TCERG1L: variants seen among roughly 807,000 people sequenced by gnomAD.
The protein encoded by TCERG1L is transcription elongation regulator 1 like, also known as transcription elongation regulator 1-like protein.
In TCERG1L, 37 loss-of-function variants were observed where a neutral mutation model predicts 56.3. That is an observed-to-expected ratio of 0.66 (90% CI 0.51 to 0.87). The LOEUF is 0.87. Among genes scored for constraint, TCERG1L ranks in the 40% least tolerant of loss-of-function variants. TCERG1L has a pLI of 0.00. For missense variants in TCERG1L, 799 were observed against 774.2 expected, an observed-to-expected ratio of 1.03 and a Z score of -0.38; for synonymous variants, 324 against 326.3, an observed-to-expected ratio of 0.99 and a Z score of 0.08.
At chr10:131,274,123 C>G (rs1846369466) in intron 3 of TCERG1L, among the ~76,000 whole-genome samples, 1 of 152,184 alleles carries the variant, frequency 6.6e-6, no homozygotes, top group Non-Finnish European at 1.5e-5. Flanking sequence ...TCCTGCTCTG[C>G]TGTCTTGCAC....
Position 131,166,850 on chromosome 10 carries a change from G to A in TCERG1L, c.892C>T (p.Pro298Ser). 3 of 1,613,614 alleles carry A rather than the reference G, an allele frequency of 1.9e-6. No homozygotes were observed. Among genetic ancestry groups the A allele is most frequent in the Non-Finnish European group, 2.5e-6 (3 of 1,179,890 alleles). The part of the protein sequence containing the change: ...RTERGRVARP[P>S]ALMLRAQKSR... ...TTCTGGGCCCGCAGCATCAGGGCAG[G>A]AGGGCGGGCCACTCGGCCCCGCTCT... Residue 298 changes from proline (P) to serine (S), a missense_variant, in exon 5 of 12, where the codon CCT becomes TCT. Pro to Ser is a moderately conservative substitution (Grantham distance 74). Transcript: ENST00000368642.
At position 131,104,305 on chromosome 10, in the gene TCERG1L, T is replaced by C. The variant is rs763029060; in HGVS notation, c.1445A>G (p.Asp482Gly). Residue 482 changes from aspartate to glycine, a missense_variant, in exon 10 of 12, where the codon GAC becomes GGC. Asp to Gly is a moderately conservative substitution (Grantham distance 94, BLOSUM62 -1). Coordinates refer to ENST00000368642, the MANE Select transcript of TCERG1L (RefSeq NM_174937.4). ...WEKELHKIVF[D>G]PRYLLLNSEE... is the part of the protein sequence containing the mutation. Reference sequence around the variant, plus strand: ...AGAGTTGAGCAGGAGATAGCGTGGGTCAAACACGATTTTGTGTAATTCTTT... The same window carrying C: ...AGAGTTGAGCAGGAGATAGCGTGGGCCAAACACGATTTTGTGTAATTCTTT... 2 of 1,551,194 alleles carry C rather than the reference T, an allele frequency of 1.3e-6. No homozygotes were observed. The highest frequency in any genetic ancestry group is 1.7e-6 in the Non-Finnish European group (2 of 1,146,510).
chr10:131,266,594 G>A (rs1846288804), intron 3 of TCERG1L, among the ~76,000 whole-genome samples: 1 of 152,170 alleles, frequency 6.6e-6, no homozygotes, highest in Non-Finnish European at 1.5e-5. Flanking sequence ...AGACAAAGAG[G>A]AGCTTTATTA....
chr10:131,284,261 T>A (rs1377997151), intron 3 of TCERG1L, among the ~76,000 whole-genome samples: 1 of 152,108 alleles, frequency 6.6e-6, no homozygotes, highest in Non-Finnish European at 1.5e-5. Flanking sequence ...AAGAAAATTT[T>A]AAATCTGCAT....
chr10:131,185,764 G>A (rs1278988183), intron 4 of TCERG1L, among the ~76,000 whole-genome samples: 2 of 152,068 alleles, frequency 1.3e-5, no homozygotes, highest in African/African-American at 4.8e-5. Flanking sequence ...CAGTGAAAAT[G>A]ATGGCTGAAT....
At chr10:131,292,999 C>T (rs1424921757) in intron 3 of TCERG1L, among the ~76,000 whole-genome samples, 2 of 151,902 alleles carry the variant, frequency 1.3e-5, no homozygotes, top group African/African-American at 2.4e-5. Flanking sequence ...TACAGGTACA[C>T]GCCACCGCAC....
At chr10:131,109,319 C>G (rs2133385066) in intron 9 of TCERG1L, among the ~76,000 whole-genome samples, 1 of 152,346 alleles carries the variant, frequency 6.6e-6, no homozygotes, top group East Asian at 1.9e-4. Flanking sequence ...TCACATCACG[C>G]CCTGACGAAC....
chr10:131,195,246 C>T (rs114813462), intron 4 of TCERG1L, among the ~76,000 whole-genome samples: 4 of 152,190 alleles, frequency 2.6e-5, no homozygotes, highest in Non-Finnish European at 4.4e-5. Flanking sequence ...AGCCTGATCA[C>T]AGCTTTTATC....
At chr10:131,143,314 C>A (rs1400371679) in intron 7 of TCERG1L, among the ~76,000 whole-genome samples, 1 of 152,158 alleles carries the variant, frequency 6.6e-6, no homozygotes, top group Non-Finnish European at 1.5e-5. Context: ...CCTCTCTTCA[C>A]TTCTTACCCC....
chr10:131,205,269 G>GGC (rs917786860), intron 4 of TCERG1L, among the ~76,000 whole-genome samples: 20 of 152,008 alleles, frequency 1.3e-4, no homozygotes, highest in African/African-American at 4.8e-4. Context: ...CTCATTGTGA[G>GGC]GCACAAATCA....
intron 4 of TCERG1L, among the ~76,000 whole-genome samples, chr10:131,215,072 C>G (rs1845656096): frequency 6.6e-6 from 1 of 152,146 alleles, no homozygotes. Flanking sequence ...AGGCCAGATC[C>G]CACGCTTGTA....
Position 131,134,434 on chromosome 10 carries a change from C to T in TCERG1L, c.1204G>A (p.Gly402Arg). 6.3e-7 allele frequency: 1 copy of T among 1,594,450 alleles called. No homozygotes were observed. The highest frequency in any genetic ancestry group is 1.7e-4 in the Middle Eastern group (1 of 6,044). Residue 402 changes from glycine (G) to arginine (R), a missense_variant, in exon 8 of 12, where the codon GGG (glycine) becomes AGG (arginine). Coordinates refer to ENST00000368642, the MANE Select transcript of TCERG1L (RefSeq NM_174937.4). ...LEAPATDNSDGSSSEDNREDQ... is the reference protein window; with the variant it reads ...LEAPATDNSDRSSSEDNREDQ... ...TCCCTGTTGTCTTCAGAACTGGACC[C>T]ATCGCTGTTGTCAGCTGAAAGAAAA...
chr10:131,223,703 C>G (rs1010204405), intron 4 of TCERG1L, among the ~76,000 whole-genome samples: 5 of 151,128 alleles, frequency 3.3e-5, no homozygotes, highest in African/African-American at 1.2e-4. Context: ...CAGACACACA[C>G]ACATGCTCAC....
chr10:131,177,836 G>C (rs1845124131), intron 4 of TCERG1L, among the ~76,000 whole-genome samples: 1 of 151,122 alleles, frequency 6.6e-6, no homozygotes, highest in South Asian at 2.1e-4. Context: ...CCTGACCTCT[G>C]ACTGTTCTAG....
Position 131,116,932 on chromosome 10 carries a change from G to A in TCERG1L, c.1262C>T (p.Thr421Ile), listed in dbSNP as rs1306992599. ...DQDVKTKRNR[T>I]EGCGSPKPEE... The stretch of plus-strand genomic sequence containing the variant: ...TGGCTTGGGACTCCCGCAGCCTTCG[G>A]TCCTTCAGGAACACAAGACGCAGAG... Residue 421 changes from threonine (T) to isoleucine (I), a missense_variant and splice_region_variant, in exon 9 of 12, where the codon ACC becomes ATC. Physicochemically the swap from Thr to Ile is moderately conservative, Grantham distance 89. Transcript: ENST00000368642. 4 of 1,608,376 alleles carry A rather than the reference G, an allele frequency of 2.5e-6. No homozygotes were observed. Among genetic ancestry groups the A allele is most frequent in the Non-Finnish European group, 3.4e-6 (4 of 1,177,854 alleles).
rs151157565 is a variant in TCERG1L at position 131,262,529 on chromosome 10, T to C, written c.671-2085A>G. Among the ~76,000 whole-genome samples, 371 of 152,332 alleles carry C rather than the reference T, an allele frequency of 2.4e-3. 1 individual carries two copies. The highest frequency in any genetic ancestry group is 3.1e-3 in the South Asian group (15 of 4,830). On this transcript the variant is annotated intron_variant, in intron 3 of 11. Coordinates refer to ENST00000368642, the MANE Select transcript of TCERG1L (RefSeq NM_174937.4). ...ATTTGTTATAGAGCAGCTTTAGGTT[T>C]ACAGAAAAAATGGGTAGAAAGTAGA...
rs1845365726 is a variant in TCERG1L at position 131,107,610 on chromosome 10, GTA to G, written c.1396-3258_1396-3257del. 2.0e-5 allele frequency among the ~76,000 whole-genome samples: 3 copies of G among 152,228 alleles called. No individual in the cohort carries two copies. In the South Asian group the frequency reaches 6.2e-4, roughly 32 times the overall value. On this transcript the variant is annotated intron_variant, in intron 9 of 11. Transcript: ENST00000368642. ...GACTTCTCCCAAAGGGTCCTGACAGGTATGGGGACGAGGAGTCCTATGAACTG... is the reference window on the plus strand; with the variant it reads ...GACTTCTCCCAAAGGGTCCTGACAGGTGGGGACGAGGAGTCCTATGAACTG...
chr10:131,190,003 T>C (rs1464543280), intron 4 of TCERG1L, among the ~76,000 whole-genome samples: 1 of 151,524 alleles, frequency 6.6e-6, no homozygotes. Context: ...TTTGAAAAAA[T>C]AAACAAAATT....
chr10:131,191,769 G>A (rs1845303602), intron 4 of TCERG1L, among the ~76,000 whole-genome samples: 1 of 131,882 alleles, frequency 7.6e-6, no homozygotes, highest in African/African-American at 2.9e-5. Flanking sequence ...GGAGGCTGAG[G>A]CAGGAGAATA....
Sources: allele counts gnomAD v4.1 joint callset (sites outside exome capture counted in the v4.1 genomes callset), GRCh38; gene constraint gnomAD v4.1.1; transcripts MANE v1.5; gene names NCBI Gene and HGNC (gene_info 2026-07-23, HGNC 2026-07-21).